Variants in RBFOX1 observed in about 807,000 individuals in gnomAD.
The protein encoded by RBFOX1 is RNA binding fox-1 homolog 1, also known as RNA binding protein fox-1 homolog 1.
RBFOX1 carries 8 observed loss-of-function variants against 57.7 expected under a neutral mutation model. That is an observed-to-expected ratio of 0.14 (90% CI 0.08 to 0.25). RBFOX1 has a LOEUF of 0.25. Among genes scored for constraint, RBFOX1 ranks in the 10% least tolerant of loss-of-function variants. The pLI, the probability that RBFOX1 is intolerant of heterozygous loss-of-function variation, is 1.00. For synonymous variants in RBFOX1, 326 were observed against 222.4 expected (o/e 1.47, Z -4.15); for missense variants, 611 against 548.5 (o/e 1.11, Z -1.14).
At chr16:6,033,311 T>C (rs957049854) in intron 1 of RBFOX1, among the ~76,000 whole-genome samples, 2 of 152,238 alleles carry the variant, frequency 1.3e-5, no homozygotes, top group African/African-American at 2.4e-5. Context: ...TATTTGATGC[T>C]TTGCTTTATT....
chr16:6,940,830 C>A, intron 3 of RBFOX1, among the ~76,000 whole-genome samples: 1 of 129,562 alleles, frequency 7.7e-6, no homozygotes, highest in Non-Finnish European at 1.6e-5. Context: ...GTACAGGCGC[C>A]TGCCACCATG....
Position 5,379,932 on chromosome 16 carries a change from C to T in RBFOX1, c.220-87284C>T, listed in dbSNP as rs1023295340. On this transcript the variant is annotated intron_variant, in intron 1 of 2. Coordinates refer to the RBFOX1 transcript ENST00000585867. ...ACTTGGCCCCCTTGCTGGAGAGAAG[C>T]GCTTGGGGCGTTGGAGGAATCATCC... 6.6e-5 allele frequency among the ~76,000 whole-genome samples: 10 copies of T among 152,274 alleles called. No homozygotes were observed. The South Asian group carries it at 1.2e-3, about 19-fold the overall frequency.
intron 4 of RBFOX1, among the ~76,000 whole-genome samples, chr16:7,479,154 C>A (rs549362299): frequency 6.7e-6 from 1 of 149,964 alleles, no homozygotes; most frequent in African/African-American, 2.5e-5. Context: ...GACAGGGTCT[C>A]GGTCTGTTGC....
At chr16:7,484,487 G>A (rs1437861010) in intron 4 of RBFOX1, among the ~76,000 whole-genome samples, 1 of 152,134 alleles carries the variant, frequency 6.6e-6, no homozygotes, top group African/African-American at 2.4e-5. Context: ...TTTTTAGACA[G>A]AGTCTCACTC....
intron 1 of RBFOX1, among the ~76,000 whole-genome samples, chr16:5,440,599 A>G (rs530293874): frequency 6.6e-6 from 1 of 152,238 alleles, no homozygotes; most frequent in South Asian, 2.1e-4. Flanking sequence ...TCAATATTTT[A>G]TCCCTGTGAT....
At chr16:5,686,540 A>G (rs917748296) in intron 3 of RBFOX1, among the ~76,000 whole-genome samples, 1 of 152,018 alleles carries the variant, frequency 6.6e-6, no homozygotes, top group Non-Finnish European at 1.5e-5. Flanking sequence ...AGGGATTTCT[A>G]CTTAATCGTG....
rs115398825 is a variant in RBFOX1, at chr16:6,407,490, A to G, written c.-64+90433A>G. ...TATTTATACACACACACATATATAT[A>G]GAGAGAGGCAGAGACAGAGAGAAAG... On this transcript the variant is annotated intron_variant, in intron 2 of 15. Coordinates refer to ENST00000550418, the MANE Select transcript of RBFOX1 (RefSeq NM_018723.4). Among the ~76,000 whole-genome samples the G allele has an allele frequency of 9.8e-3, 1,494 of 151,962 alleles. 26 individuals carry two copies. The highest frequency in any genetic ancestry group is 0.034 in the African/African-American group (1,426 of 41,366).
intron 2 of RBFOX1, among the ~76,000 whole-genome samples, chr16:6,597,515 T>C (rs1052315080): frequency 8.6e-5 from 13 of 151,860 alleles, no homozygotes; most frequent in African/African-American, 2.9e-4. Context: ...CTACTAAAAA[T>C]ATAAAAAATT....
chr16:6,262,744 T>G lies in RBFOX1; in HGVS notation c.-126-54251T>G, dbSNP rs2097708891. Among the ~76,000 whole-genome samples the G allele has an allele frequency of 1.3e-5, 2 of 152,192 alleles. 1 individual carries two copies. Among genetic ancestry groups the G allele is most frequent in the South Asian group, 4.1e-4 (2 of 4,824 alleles). The stretch of plus-strand genomic sequence containing the variant: ...AACAGAGAAAGATGTCTCTGCCAGC[T>G]GGGATTGTGTCTTGCTCATCTTTGA... On this transcript the variant is annotated intron_variant, in intron 1 of 15. Coordinates refer to ENST00000550418, the MANE Select transcript of RBFOX1 (RefSeq NM_018723.4).
chr16:6,431,014 T>G (rs1356003549), intron 2 of RBFOX1, among the ~76,000 whole-genome samples: 1 of 150,144 alleles, frequency 6.7e-6, no homozygotes, highest in Non-Finnish European at 1.5e-5. Flanking sequence ...GCTGTGCACC[T>G]GTAGTCCCAG....
At chr16:5,840,780 G>C (rs1373600191) in intron 3 of RBFOX1, among the ~76,000 whole-genome samples, 3 of 152,148 alleles carry the variant, frequency 2.0e-5, no homozygotes, top group African/African-American at 4.8e-5. Flanking sequence ...GGGATGCAGT[G>C]AGTTCCCTAT....
chr16:5,862,963 C>G (rs372053394), intron 3 of RBFOX1, among the ~76,000 whole-genome samples: 1 of 152,054 alleles, frequency 6.6e-6, no homozygotes, highest in African/African-American at 2.4e-5. Context: ...TAACTCAGTC[C>G]GGACATCTCC....
intron 3 of RBFOX1, among the ~76,000 whole-genome samples, chr16:5,807,870 G>A (rs1196426755): frequency 2.0e-5 from 3 of 152,206 alleles, no homozygotes; most frequent in African/African-American, 7.2e-5. Flanking sequence ...ACTTTGAGGA[G>A]CAGGGAGCTG....
intron 5 of RBFOX1, among the ~76,000 whole-genome samples, chr16:7,539,351 G>A (rs957549296): frequency 6.6e-6 from 1 of 152,144 alleles, no homozygotes; most frequent in African/African-American, 2.4e-5. Flanking sequence ...GAAGAGTGAA[G>A]AGTATGTGCA....
At chr16:6,825,933 G>A (rs1435196790) in intron 3 of RBFOX1, among the ~76,000 whole-genome samples, 1 of 152,270 alleles carries the variant, frequency 6.6e-6, no homozygotes, top group Non-Finnish European at 1.5e-5. Flanking sequence ...AATCCTGGTT[G>A]TACCGCAGGG....
chr16:7,342,678 C>A (rs905386109), intron 4 of RBFOX1, among the ~76,000 whole-genome samples: 1 of 152,124 alleles, frequency 6.6e-6, no homozygotes, highest in Non-Finnish European at 1.5e-5. Context: ...AGAGATACAA[C>A]TGGGGAGGTG....
intron 1 of RBFOX1, among the ~76,000 whole-genome samples, chr16:6,234,799 C>G (rs145448372): frequency 1.3e-5 from 2 of 150,430 alleles, no homozygotes. Context: ...ACCACACATA[C>G]GCATGAACTA....
At chr16:6,880,037 T>C (rs922011244) in intron 3 of RBFOX1, among the ~76,000 whole-genome samples, 5 of 152,198 alleles carry the variant, frequency 3.3e-5, no homozygotes, top group African/African-American at 1.2e-4. Context: ...GTTTCCTCCA[T>C]CCATGCAAGT....
chr16:6,091,435 C>A (rs1597218016), intron 1 of RBFOX1, among the ~76,000 whole-genome samples: 1 of 152,180 alleles, frequency 6.6e-6, no homozygotes, highest in Non-Finnish European at 1.5e-5. Flanking sequence ...AACTCCTTTA[C>A]AGGATTTTCT....
Sources: gnomAD v4.1 joint callset for allele counts (sites outside exome capture counted in the v4.1 genomes callset) on GRCh38, gnomAD v4.1.1 for gene constraint, MANE v1.5 for transcripts, NCBI Gene and HGNC (gene_info 2026-07-23, HGNC 2026-07-21) for gene names.